The following JAKMIP2 variants were observed in gnomAD, a reference collection of about 807,000 sequenced individuals.
JAKMIP2 encodes janus kinase and microtubule-interacting protein 2.
A neutral mutation model predicts 115.0 loss-of-function variants in JAKMIP2; 25 were observed. That is an observed-to-expected ratio of 0.22 (90% confidence interval 0.16 to 0.30). The LOEUF (loss-of-function observed/expected upper bound fraction) is 0.30, where lower values mean the gene tolerates loss of function less well. Among genes scored for constraint, JAKMIP2 ranks in the 10% least tolerant of loss-of-function variants. JAKMIP2 has a pLI of 1.00. For synonymous variants in JAKMIP2, 334 were observed against 343.6 expected (o/e 0.97, Z 0.31); for missense variants, 642 against 957.6 (o/e 0.67, Z 4.35).
chr5:147,637,099 C>A, intron 10 of JAKMIP2, 51 bp from the exon 11 acceptor site: 1 of 824,480 alleles, frequency 1.2e-6, no homozygotes, highest in Admixed American at 1.8e-5. Context: ...TTATTCAATA[C>A]CTTTCTTGAC....
At chr5:147,688,852 G>A (rs1760697911) in intron 1 of JAKMIP2, among the ~76,000 whole-genome samples, 1 of 152,228 alleles carries the variant, frequency 6.6e-6, no homozygotes, top group East Asian at 1.9e-4. Context: ...ACTTGGTATG[G>A]AAGATACAGC....
chr5:147,697,329 A>G (rs1316079253), intron 1 of JAKMIP2, among the ~76,000 whole-genome samples: 2 of 152,194 alleles, frequency 1.3e-5, no homozygotes, highest in African/African-American at 4.8e-5. Flanking sequence ...ACAGCACAGG[A>G]AAGACCAGCC....
intron 1 of JAKMIP2, among the ~76,000 whole-genome samples, chr5:147,720,002 A>G (rs1753197332): frequency 1.3e-5 from 2 of 151,648 alleles, no homozygotes; most frequent in Admixed American, 1.3e-4. Flanking sequence ...GTTCCTTTCC[A>G]TGTTTAGCGC....
intron 1 of JAKMIP2, among the ~76,000 whole-genome samples, chr5:147,732,557 G>A (rs1753772718): frequency 6.6e-6 from 1 of 152,130 alleles, no homozygotes; most frequent in Non-Finnish European, 1.5e-5. Context: ...GTGGATATAG[G>A]AGAAAACATA....
chr5:147,597,102 C>T (rs1030651061), intron 21 of JAKMIP2, among the ~76,000 whole-genome samples: 5 of 150,554 alleles, frequency 3.3e-5, no homozygotes, highest in Non-Finnish European at 7.4e-5. Context: ...AGGCTGGTCT[C>T]GAACTCCTGA....
chr5:147,671,617 C>T, intron 2 of JAKMIP2, 61 bp downstream of exon 2: 1 of 1,310,750 alleles, frequency 7.6e-7, no homozygotes, highest in Non-Finnish European at 9.9e-7. Flanking sequence ...GCTGTGCTCG[C>T]TGCATGTGGA....
intron 21 of JAKMIP2, among the ~76,000 whole-genome samples, chr5:147,599,809 G>T (rs1416895203): frequency 6.6e-6 from 1 of 152,108 alleles, no homozygotes; most frequent in Non-Finnish European, 1.5e-5. Flanking sequence ...ATTGGTAGCT[G>T]GATGGTCTTG....
At chr5:147,724,832 A>AT (rs1753453368) in intron 1 of JAKMIP2, among the ~76,000 whole-genome samples, 1 of 152,228 alleles carries the variant, frequency 6.6e-6, no homozygotes, top group Non-Finnish European at 1.5e-5. Context: ...TCATAGATAG[A>AT]TAAAAAACAA....
chr5:147,760,522 GA>G (rs1338407885), intron 1 of JAKMIP2, among the ~76,000 whole-genome samples: 5 of 151,854 alleles, frequency 3.3e-5, no homozygotes, highest in East Asian at 3.9e-4. Context: ...AAAAGAAAGA[GA>G]AAAAAATGAC....
chr5:147,753,767 G>A (rs1297524460), intron 1 of JAKMIP2, among the ~76,000 whole-genome samples: 1 of 151,646 alleles, frequency 6.6e-6, no homozygotes, highest in Non-Finnish European at 1.5e-5. Flanking sequence ...AATATTATTG[G>A]TGAGTCTGGT....
intron 1 of JAKMIP2, among the ~76,000 whole-genome samples, chr5:147,683,518 C>A (rs1760411859): frequency 1.3e-5 from 2 of 151,984 alleles, no homozygotes; most frequent in African/African-American, 4.8e-5. Flanking sequence ...CAAACAACAA[C>A]AACAACAAAA....
intron 17 of JAKMIP2, 80 bp from the exon 18 acceptor site, chr5:147,620,823 T>C: frequency 9.9e-7 from 1 of 1,014,380 alleles, no homozygotes; most frequent in Non-Finnish European, 1.5e-6. Context: ...TAATGTTTCC[T>C]CTAATTCTAC....
In JAKMIP2 at chr5:147,590,836, T is replaced by G. The variant is rs1430596876; in HGVS notation, c.*871A>C. On this transcript the variant is annotated 3_prime_UTR_variant, in exon 22 of 22. Transcript: ENST00000616793. ...ACAGTATCATCTTCTTAGTTTTCAA[T>G]ATGAATGAGATCAGTCCATTGTTGA... 1 of 152,202 alleles carries G rather than the reference T, an allele frequency of 6.6e-6. No individual in the cohort carries two copies. Among genetic ancestry groups the G allele is most frequent in the African/African-American group, 2.4e-5 (1 of 41,452 alleles). 9.4% of individuals were successfully genotyped at this position (152,202 alleles called of 1,614,324 possible).
chr5:147,664,744 C>A (rs1287229092), intron 2 of JAKMIP2, among the ~76,000 whole-genome samples: 1 of 152,150 alleles, frequency 6.6e-6, no homozygotes, highest in African/African-American at 2.4e-5. Flanking sequence ...CTACCGCAGG[C>A]TGGTAACTTT....
chr5:147,739,261 C>A (rs1200172731), intron 1 of JAKMIP2, among the ~76,000 whole-genome samples: 1 of 152,000 alleles, frequency 6.6e-6, no homozygotes, highest in Non-Finnish European at 1.5e-5. Flanking sequence ...AGGGTGGAGG[C>A]GAGGTGCTGC....
intron 10 of JAKMIP2, among the ~76,000 whole-genome samples, chr5:147,639,400 G>T (rs1465444171): frequency 6.6e-6 from 1 of 152,112 alleles, no homozygotes; most frequent in Non-Finnish European, 1.5e-5. Flanking sequence ...CAAACAGCAA[G>T]AACAAGAACT....
chr5:147,604,793 C>T (rs926414566), intron 20 of JAKMIP2, among the ~76,000 whole-genome samples: 166 of 134,622 alleles, frequency 1.2e-3, no homozygotes, highest in Non-Finnish European at 1.6e-3. Flanking sequence ...TGTCTTGGGC[C>T]AGACATTTTA....
intron 2 of JAKMIP2, among the ~76,000 whole-genome samples, chr5:147,668,367 C>T (rs2126798808): frequency 6.6e-6 from 1 of 152,274 alleles, no homozygotes; most frequent in Non-Finnish European, 1.5e-5. Flanking sequence ...CTCATGGTGT[C>T]CATAGAAGAG....
intron 2 of JAKMIP2, among the ~76,000 whole-genome samples, chr5:147,669,772 A>G (rs1759486824): frequency 6.6e-6 from 1 of 152,216 alleles, no homozygotes; most frequent in Admixed American, 6.5e-5. Flanking sequence ...GTGTTTGTCA[A>G]CACGAAGGCT....
Sources: allele counts gnomAD v4.1 joint callset (sites outside exome capture counted in the v4.1 genomes callset), GRCh38; gene constraint gnomAD v4.1.1; transcripts MANE v1.5; gene names NCBI Gene and HGNC (gene_info 2026-07-23, HGNC 2026-07-21).